The following ANXA8 variants were observed in gnomAD, a reference collection of about 807,000 sequenced individuals.
The protein encoded by ANXA8 is annexin A8.
ANXA8 carries 9 observed loss-of-function variants against 26.8 expected under a neutral mutation model. The ratio of observed to expected loss-of-function variants is 0.34; its 90% confidence interval spans 0.20 to 0.59. The LOEUF (loss-of-function observed/expected upper bound fraction) is 0.59, where lower values mean the gene tolerates loss of function less well. Ranked by LOEUF, ANXA8 falls within the 20% of genes least tolerant of loss-of-function variation. ANXA8 has a pLI of 0.84. For synonymous variants in ANXA8, 39 were observed against 94.8 expected, an observed-to-expected ratio of 0.41 and a Z score of 3.42; for missense variants, 83 against 238.5, an observed-to-expected ratio of 0.35 and a Z score of 4.29.
At chr10:47,659,329 A>G in the ANXA8 span, among the ~76,000 whole-genome samples, 1 of 151,792 alleles carries the variant, frequency 6.6e-6, no homozygotes, top group African/African-American at 2.4e-5. Flanking sequence ...TGTATTCAAG[A>G]GAGAATATTA....
chr10:47,576,512 T>A, the ANXA8 span, among the ~76,000 whole-genome samples: 2 of 139,070 alleles, frequency 1.4e-5, no homozygotes, highest in Non-Finnish European at 3.1e-5. Context: ...TGGAGTGCAG[T>A]GGTGTGATCT....
the ANXA8 span, among the ~76,000 whole-genome samples, chr10:47,975,001 T>TGGCATCA: frequency 8.7e-5 from 13 of 149,876 alleles, no homozygotes; most frequent in Admixed American, 2.7e-4. Flanking sequence ...CCACATCACT[T>TGGCATCA]GGCATCAGGC....
At chr10:47,605,709 A>G in the ANXA8 span, among the ~76,000 whole-genome samples, 1 of 150,810 alleles carries the variant, frequency 6.6e-6, no homozygotes, top group Non-Finnish European at 1.5e-5. Context: ...TTTAAAAACC[A>G]TACTTAAATA....
At chr10:47,513,082 G>C in the ANXA8 span, among the ~76,000 whole-genome samples, 8 of 142,882 alleles carry the variant, frequency 5.6e-5, no homozygotes, top group Non-Finnish European at 1.2e-4. Flanking sequence ...GCCCAGGCTG[G>C]AGTATGCAAT....
chr10:47,514,255 T>C, the ANXA8 span, among the ~76,000 whole-genome samples: 1 of 149,388 alleles, frequency 6.7e-6, no homozygotes, highest in Non-Finnish European at 1.5e-5. Flanking sequence ...ATACATATTA[T>C]ATATATATAT....
chr10:47,705,924 G>C, the ANXA8 span, among the ~76,000 whole-genome samples: 23 of 150,184 alleles, frequency 1.5e-4, no homozygotes, highest in African/African-American at 5.6e-4. Context: ...CACCCCCCGC[G>C]TATTTCGGGG....
chr10:47,954,728 G>A, the ANXA8 span, among the ~76,000 whole-genome samples: 2 of 150,728 alleles, frequency 1.3e-5, no homozygotes, highest in African/African-American at 2.5e-5. Context: ...CCTCTCCTAG[G>A]TATTTATTTA....
At chr10:47,603,298 A>G in the ANXA8 span, among the ~76,000 whole-genome samples, 1 of 149,344 alleles carries the variant, frequency 6.7e-6, no homozygotes, top group Non-Finnish European at 1.5e-5. Context: ...TATTACCAAC[A>G]TATTATAGAA....
chr10:47,551,024 T>C, the ANXA8 span, among the ~76,000 whole-genome samples: 7 of 150,062 alleles, frequency 4.7e-5, no homozygotes, highest in East Asian at 1.5e-3. Flanking sequence ...TATTAACTTC[T>C]GACCCCTATC....
the ANXA8 span, among the ~76,000 whole-genome samples, chr10:47,689,154 G>T: frequency 1.9e-4 from 29 of 150,130 alleles, no homozygotes; most frequent in Middle Eastern, 0.017. Flanking sequence ...CTTGTTTGAT[G>T]TGAGTGTGCT....
chr10:47,916,625 G>A, the ANXA8 span, among the ~76,000 whole-genome samples: 73 of 136,536 alleles, frequency 5.3e-4, 5 homozygotes, highest in Admixed American at 1.9e-3. Context: ...TAGGCATGAG[G>A]ATGGACTAAG....
chr10:47,901,778 T>C, the ANXA8 span, among the ~76,000 whole-genome samples: 1 of 148,166 alleles, frequency 6.7e-6, no homozygotes, highest in African/African-American at 2.5e-5. Flanking sequence ...TTCATATTAC[T>C]TATATTTTGA....
At chr10:47,743,348 A>ATATATACATATATG in the ANXA8 span, among the ~76,000 whole-genome samples, 1 of 80,670 alleles carries the variant, frequency 1.2e-5, no homozygotes, top group Non-Finnish European at 2.6e-5. Flanking sequence ...ATACATATAT[A>ATATATACATATATG]TATATACACA....
the ANXA8 span, among the ~76,000 whole-genome samples, chr10:47,704,097 A>G: frequency 3.5e-5 from 5 of 141,474 alleles, no homozygotes; most frequent in South Asian, 2.2e-4. Flanking sequence ...AATCCTACAT[A>G]GAAAAAGCAT....
chr10:47,502,952 G>A, the ANXA8 span: 5 of 1,593,504 alleles, frequency 3.1e-6, no homozygotes, highest in Non-Finnish European at 4.3e-6. Context: ...TGAGGAGAGG[G>A]GGGCGGGTTG....
chr10:47,658,858 AT>A, the ANXA8 span, among the ~76,000 whole-genome samples: 2 of 133,622 alleles, frequency 1.5e-5, no homozygotes, highest in Non-Finnish European at 3.0e-5. Flanking sequence ...TTATTTATTT[AT>A]TTATTTATTT....
At chr10:47,483,220 C>T (rs1278150246) in intron 1 of ANXA8, among the ~76,000 whole-genome samples, 1 of 150,250 alleles carries the variant, frequency 6.7e-6, no homozygotes, top group Admixed American at 6.6e-5. Flanking sequence ...CCTGCTTCCC[C>T]TCTTCCCTCT....
the ANXA8 span, among the ~76,000 whole-genome samples, chr10:47,888,805 A>AT: frequency 0.11 from 1,099 of 9,964 alleles, 14 homozygotes; most frequent in African/African-American, 0.19. Flanking sequence ...TGCCTGGCTA[A>AT]TTTTTTTTTT....
At chr10:47,492,678 T>C in the ANXA8 span, among the ~76,000 whole-genome samples, 9 of 137,450 alleles carry the variant, frequency 6.5e-5, 1 homozygote, top group South Asian at 6.6e-4. Context: ...AAGCTCCTGG[T>C]AAACACCTGT....
Sources: allele counts gnomAD v4.1 joint callset (sites outside exome capture counted in the v4.1 genomes callset), GRCh38; gene constraint gnomAD v4.1.1; transcripts MANE v1.5; gene names NCBI Gene and HGNC (gene_info 2026-07-23, HGNC 2026-07-21).